Variants in TRIM37 observed in about 807,000 individuals in gnomAD.
TRIM37 encodes tripartite motif containing 37.
TRIM37 carries 80 observed loss-of-function variants against 129.8 expected under a neutral mutation model. The observed-to-expected ratio is 0.62, with a 90% CI of 0.51 to 0.74. The LOEUF (loss-of-function observed/expected upper bound fraction) is 0.74. TRIM37 is among the 30% of genes least tolerant of loss of function. TRIM37 has a pLI of 0.00. For synonymous variants in TRIM37, 389 were observed against 387.1 expected (o/e 1.00, Z -0.06); for missense variants, 1,054 against 1,176.5 (o/e 0.90, Z 1.52).
At chr17:58,997,938 G>C (rs3826353), downstream of TRIM37, among the ~76,000 whole-genome samples, 2 of 152,042 alleles carry the variant, frequency 1.3e-5, no homozygotes, top group East Asian at 3.9e-4. Context: ...AGTATATAAG[G>C]TGGCTTGGAA....
chr17:59,051,421 A>G (rs868707911), intron 13 of TRIM37, 93 bp from the exon 14 acceptor site: 2 of 835,464 alleles, frequency 2.4e-6, no homozygotes, highest in African/African-American at 1.7e-5. Context: ...TAACTTGATT[A>G]TAAGGCCAAA....
At chr17:59,067,798 G>C (rs1599319256) in intron 9 of TRIM37, among the ~76,000 whole-genome samples, 1 of 145,514 alleles carries the variant, frequency 6.9e-6, no homozygotes, top group Non-Finnish European at 1.6e-5. Context: ...GGCCTCCCAA[G>C]GTGCTGGGGT....
chr17:58,983,017 ATTG>A (rs2031457536), intron 24 of TRIM37: 3 of 1,093,298 alleles, frequency 2.7e-6, no homozygotes, highest in African/African-American at 3.2e-5. Context: ...TAAAATTTCT[ATTG>A]TTGTCTATTG....
At chr17:59,031,671 C>CA (rs1476799554) in intron 18 of TRIM37, among the ~76,000 whole-genome samples, 5 of 152,180 alleles carry the variant, frequency 3.3e-5, no homozygotes, top group Non-Finnish European at 7.3e-5. Context: ...TAGCAAGTCA[C>CA]AAAAAACCTT....
chr17:59,078,098 C>G (rs1195856107), intron 7 of TRIM37, among the ~76,000 whole-genome samples: 1 of 151,920 alleles, frequency 6.6e-6, no homozygotes, highest in Non-Finnish European at 1.5e-5. Context: ...GCACTCCAGC[C>G]TGAATGACAG....
intron 24 of TRIM37, among the ~76,000 whole-genome samples, chr17:58,992,658 G>A (rs1172608592): frequency 1.3e-5 from 2 of 152,138 alleles, no homozygotes; most frequent in African/African-American, 4.8e-5. Context: ...GGGATTACAG[G>A]CGTGAGCCAC....
intron 9 of TRIM37, among the ~76,000 whole-genome samples, chr17:59,067,805 G>C (rs552572307): frequency 1.4e-5 from 2 of 144,254 alleles, no homozygotes; most frequent in African/African-American, 4.9e-5. Flanking sequence ...CAAGGTGCTG[G>C]GGTTACAGGC....
intron 21 of TRIM37, among the ~76,000 whole-genome samples, chr17:59,014,568 T>TCA (rs2035673868): frequency 6.6e-6 from 1 of 152,020 alleles, no homozygotes; most frequent in Non-Finnish European, 1.5e-5. Flanking sequence ...GATACTTTGA[T>TCA]AACAGGAGAG....
chr17:58,994,316 TCAAC>T (rs1446812783), downstream of TRIM37, among the ~76,000 whole-genome samples: 2 of 151,994 alleles, frequency 1.3e-5, no homozygotes, highest in Non-Finnish European at 2.9e-5. Context: ...ATCCATGGAG[TCAAC>T]CAACAATAGA....
chr17:59,029,616 G>A (rs1164397226), intron 18 of TRIM37, among the ~76,000 whole-genome samples: 1 of 152,170 alleles, frequency 6.6e-6, no homozygotes. Context: ...GCCCAAGCAG[G>A]CCACGTGCAG....
downstream of TRIM37, among the ~76,000 whole-genome samples, chr17:58,978,583 C>G (rs943335560): frequency 1.3e-5 from 2 of 152,012 alleles, no homozygotes; most frequent in African/African-American, 2.4e-5. Flanking sequence ...TGGTGGCGTA[C>G]GCCTGTAATC....
chr17:59,106,697 T>C lies in TRIM37; in HGVS notation c.-236A>G, dbSNP rs371575547. The C allele has an allele frequency of 3.2e-3, 1,887 of 594,532 alleles. 46 individuals carry two copies. The South Asian group carries it at 0.036, about 11-fold the overall frequency. The allele number at this position is 594,532 out of a possible 1,614,324, so 36.8% of individuals were successfully genotyped here. A position where few individuals can be genotyped will look rare whatever the true frequency, so the allele number is the denominator to read the frequency against. Reference sequence around the variant, plus strand: ...CGAGGCGCAGAAGTAGGGCGAACGGTGGCCGCAGCTCCTTTCTCCCGGCTC... The same window carrying C: ...CGAGGCGCAGAAGTAGGGCGAACGGCGGCCGCAGCTCCTTTCTCCCGGCTC... On this transcript the variant is annotated 5_prime_UTR_variant, in exon 1 of 24. Transcript: ENST00000262294.
intron 13 of TRIM37, among the ~76,000 whole-genome samples, chr17:59,055,293 G>A (rs1285358645): frequency 3.7e-5 from 5 of 135,736 alleles, no homozygotes; most frequent in South Asian, 2.3e-4. Context: ...CCAAGATCGC[G>A]CCATTGCGCT....
intron 17 of TRIM37, among the ~76,000 whole-genome samples, chr17:59,039,926 CTCACT>C (rs2038968915): frequency 6.6e-6 from 1 of 152,088 alleles, no homozygotes; most frequent in African/African-American, 2.4e-5. Context: ...GACACAGGGT[CTCACT>C]CTGTTGCCCA....
At chr17:59,073,755 T>C (rs569224622) in intron 8 of TRIM37, among the ~76,000 whole-genome samples, 1 of 152,240 alleles carries the variant, frequency 6.6e-6, no homozygotes, top group Admixed American at 6.5e-5. Context: ...GTACACCCCA[T>C]CTCAATACTG....
At chr17:58,993,736 C>T (rs1266938766), downstream of TRIM37, among the ~76,000 whole-genome samples, 1 of 152,034 alleles carries the variant, frequency 6.6e-6, no homozygotes, top group African/African-American at 2.4e-5. Context: ...TTTGTTGAAA[C>T]CCACAGAACT....
In TRIM37 at chr17:59,046,164, T is replaced by C. The variant is rs137932770; in HGVS notation, c.1667+1519A>G. ...CCACTTGGCAATCAACACAGTAACC[T>C]TTTTCAGGCAACACTCATCAAAGGG... On this transcript the variant is annotated intron_variant, in intron 16 of 23. Coordinates refer to ENST00000262294, the MANE Select transcript of TRIM37 (RefSeq NM_015294.6). Among the ~76,000 whole-genome samples, 5 of 152,220 alleles carry C rather than the reference T, an allele frequency of 3.3e-5. No individual in the cohort carries two copies. The East Asian group carries it at 9.6e-4, about 29-fold the overall frequency.
At chr17:58,986,833 T>A (rs1703050662) in intron 24 of TRIM37, among the ~76,000 whole-genome samples, 1 of 152,202 alleles carries the variant, frequency 6.6e-6, no homozygotes, top group Admixed American at 6.5e-5. Flanking sequence ...TAACAGCAAT[T>A]AGTAAAGAAC....
At chr17:59,018,207 G>A (rs988736786) in intron 19 of TRIM37, among the ~76,000 whole-genome samples, 2 of 152,092 alleles carry the variant, frequency 1.3e-5, no homozygotes, top group African/African-American at 4.8e-5. Context: ...AATATGCATA[G>A]ATTCAAAAGC....
Sources: allele counts gnomAD v4.1 joint callset (sites outside exome capture counted in the v4.1 genomes callset), GRCh38; gene constraint gnomAD v4.1.1; transcripts MANE v1.5; gene names NCBI Gene and HGNC (gene_info 2026-07-23, HGNC 2026-07-21).